IL33: variants seen among roughly 807,000 people sequenced by gnomAD.
IL33 encodes interleukin 33.
In IL33, 37 loss-of-function variants were observed where a neutral mutation model predicts 27.3. The observed-to-expected ratio is 1.36, with a 90% confidence interval of 1.04 to 1.78. The LOEUF is 1.78. IL33 is among the 40% of genes most tolerant of loss of function. IL33 has a pLI of 0.00. For synonymous variants in IL33, 132 were observed against 102.9 expected, an observed-to-expected ratio of 1.28 and a Z score of -1.71; for missense variants, 406 against 311.4, an observed-to-expected ratio of 1.30 and a Z score of -2.29.
At chr9:6,249,220 T>G (rs2130403169) in intron 2 of IL33, among the ~76,000 whole-genome samples, 1 of 152,298 alleles carries the variant, frequency 6.6e-6, no homozygotes, top group East Asian at 1.9e-4. Flanking sequence ...AGATGTGGAT[T>G]AATTCAAAAT....
intron 1 of IL33, among the ~76,000 whole-genome samples, chr9:6,219,346 G>A (rs1333793269): frequency 6.6e-6 from 1 of 151,978 alleles, no homozygotes; most frequent in African/African-American, 2.4e-5. Flanking sequence ...AAAAAGTTCA[G>A]GCAAAGTTCA....
intron 2 of IL33, among the ~76,000 whole-genome samples, chr9:6,248,030 G>A: frequency 6.6e-6 from 1 of 151,952 alleles, no homozygotes; most frequent in Non-Finnish European, 1.5e-5. Flanking sequence ...TCAGTATTAG[G>A]CATGCCTATC....
intron 1 of IL33, among the ~76,000 whole-genome samples, chr9:6,217,341 C>T (rs918637214): frequency 6.6e-6 from 1 of 152,116 alleles, no homozygotes; most frequent in African/African-American, 2.4e-5. Flanking sequence ...CTCTCAAACT[C>T]CTAACTTGGT....
intron 1 of IL33, among the ~76,000 whole-genome samples, chr9:6,222,363 G>A (rs944961919): frequency 5.9e-5 from 9 of 152,138 alleles, no homozygotes; most frequent in Non-Finnish European, 1.2e-4. Flanking sequence ...CATGGCATTA[G>A]CAAAGAGAAA....
chr9:6,241,720 C>G lies in IL33; in HGVS notation c.26C>G (p.Thr9Ser). The change falls in exon 2 of 8, where the codon ACC becomes AGC. Residue 9 changes from threonine (T) to serine (S), a missense_variant. By Grantham distance (58) the Thr-to-Ser change is moderately conservative. Transcript: ENST00000682010. ...ATGAAGCCTAAAATGAAGTATTCAACCAACAAAATTTCCACAGCAAAGTGG... is the reference window on the plus strand; with the variant it reads ...ATGAAGCCTAAAATGAAGTATTCAAGCAACAAAATTTCCACAGCAAAGTGG... MKPKMKYS[T>S]NKISTAKWKN... 1.9e-6 allele frequency: 3 copies of G among 1,610,468 alleles called. No homozygotes were observed. The highest frequency in any genetic ancestry group is 2.5e-6 in the Non-Finnish European group (3 of 1,177,848).
intron 1 of IL33, among the ~76,000 whole-genome samples, chr9:6,223,995 C>T (rs141924697): frequency 4.5e-4 from 69 of 152,278 alleles, no homozygotes; most frequent in African/African-American, 1.3e-3. Context: ...AGCCAAGAAG[C>T]GCTTACTCCT....
chr9:6,220,203 G>C (rs73396600), intron 1 of IL33, among the ~76,000 whole-genome samples: 2,423 of 152,242 alleles, frequency 0.016, 69 homozygotes, highest in African/African-American at 0.056. Context: ...ACTTGGCTGA[G>C]CGCTTTACTT....
In IL33 at chr9:6,241,765, C is replaced by G; in HGVS notation, c.71C>G (p.Ala24Gly). The change falls in exon 2 of 8, where the codon GCC becomes GGC. Residue 24 changes from alanine (A) to glycine (G), a missense_variant. By Grantham distance (60) the Ala-to-Gly change is moderately conservative. Coordinates refer to ENST00000682010, the MANE Select transcript of IL33 (RefSeq NM_033439.4). ...AAGTGGAAGAACACAGCAAGCAAAG[C>G]CTTGTGTTTCAAGCTGGGAAGTAAG... is the stretch of plus-strand genomic sequence containing the variant. Reference protein sequence around the residue: ...TAKWKNTASKALCFKLGKSQQ... With the variant: ...TAKWKNTASKGLCFKLGKSQQ... 6.2e-7 allele frequency: 1 copy of G among 1,610,114 alleles called. No homozygotes were observed. The highest frequency in any genetic ancestry group is 8.5e-7 in the Non-Finnish European group (1 of 1,177,662).
chr9:6,246,178 G>A (rs1192282219), intron 2 of IL33, among the ~76,000 whole-genome samples: 1 of 147,662 alleles, frequency 6.8e-6, no homozygotes, highest in Non-Finnish European at 1.5e-5. Context: ...GGCAGAAAAA[G>A]ATAAAGACAT....
chr9:6,234,817 AAC>A (rs1819104501), intron 1 of IL33, among the ~76,000 whole-genome samples: 1 of 152,126 alleles, frequency 6.6e-6, no homozygotes, highest in Non-Finnish European at 1.5e-5. Context: ...ATATTCACAA[AAC>A]ACACTCTAGA....
At chr9:6,243,624 G>C (rs1038289285) in intron 2 of IL33, among the ~76,000 whole-genome samples, 2 of 152,142 alleles carry the variant, frequency 1.3e-5, no homozygotes, top group African/African-American at 4.8e-5. Context: ...CAAAGTGCTG[G>C]GATCACAGGC....
At chr9:6,240,885 G>A (rs1377878357) in intron 1 of IL33, among the ~76,000 whole-genome samples, 1 of 151,960 alleles carries the variant, frequency 6.6e-6, no homozygotes, top group Non-Finnish European at 1.5e-5. Flanking sequence ...TCATACAGCT[G>A]TACAAAAATT....
At chr9:6,226,086 C>T (rs10815380) in intron 1 of IL33, among the ~76,000 whole-genome samples, 37,064 of 152,068 alleles carry the variant, frequency 0.24, 4,857 homozygotes, top group East Asian at 0.45. Flanking sequence ...TAACTCACTG[C>T]GGCCTCAAAC....
intron 1 of IL33, among the ~76,000 whole-genome samples, chr9:6,216,789 C>G (rs1036833247): frequency 6.6e-6 from 1 of 152,060 alleles, no homozygotes; most frequent in African/African-American, 2.4e-5. Flanking sequence ...AATAGCTTCA[C>G]AAAGAGGATT....
chr9:6,226,735 A>G (rs967067020), intron 1 of IL33, among the ~76,000 whole-genome samples: 4 of 152,262 alleles, frequency 2.6e-5, no homozygotes, highest in Admixed American at 6.5e-5. Context: ...ACTATCTAAC[A>G]ATATTAAAAT....
At chr9:6,218,111 G>A (rs575827864) in intron 1 of IL33, among the ~76,000 whole-genome samples, 10 of 152,204 alleles carry the variant, frequency 6.6e-5, no homozygotes, top group African/African-American at 1.9e-4. Context: ...CACACAGCTC[G>A]GTATTGTCTG....
At chr9:6,216,182 G>A (rs542170702) in intron 1 of IL33, among the ~76,000 whole-genome samples, 2 of 152,248 alleles carry the variant, frequency 1.3e-5, no homozygotes, top group African/African-American at 2.4e-5. Flanking sequence ...GCAGGCTGGA[G>A]CACAGTGGCG....
intron 1 of IL33, among the ~76,000 whole-genome samples, chr9:6,222,993 T>C (rs1480709950): frequency 6.6e-6 from 1 of 152,124 alleles, no homozygotes; most frequent in Non-Finnish European, 1.5e-5. Context: ...AGAAAAATAA[T>C]AAAACAAATA....
intron 1 of IL33, among the ~76,000 whole-genome samples, chr9:6,228,522 T>TC (rs1169134604): frequency 6.6e-6 from 1 of 151,742 alleles, no homozygotes; most frequent in Non-Finnish European, 1.5e-5. Context: ...TTTTTTTTTT[T>TC]CCATACATTG....
Sources: gnomAD v4.1 joint callset for allele counts (sites outside exome capture counted in the v4.1 genomes callset) on GRCh38, gnomAD v4.1.1 for gene constraint, MANE v1.5 for transcripts, NCBI Gene and HGNC (gene_info 2026-07-23, HGNC 2026-07-21) for gene names.